Variants in CFAP46 observed in about 807,000 individuals in gnomAD.
CFAP46 encodes the protein cilia and flagella associated protein 46.
A neutral mutation model predicts 325.7 loss-of-function variants in CFAP46; 245 were observed. The observed-to-expected ratio is 0.75, with a 90% CI of 0.68 to 0.84. The LOEUF (loss-of-function observed/expected upper bound fraction) is 0.84. Among genes scored for constraint, CFAP46 ranks in the 40% least tolerant of loss-of-function variants. CFAP46 has a pLI of 0.00. For synonymous variants in CFAP46, 1,523 were observed against 1,495.9 expected, an observed-to-expected ratio of 1.02 and a Z score of -0.42; for missense variants, 3,346 against 3,543.0, an observed-to-expected ratio of 0.94 and a Z score of 1.41.
At chr10:132,894,748 A>G (rs1344952727) in intron 24 of CFAP46, among the ~76,000 whole-genome samples, 2 of 152,156 alleles carry the variant, frequency 1.3e-5, no homozygotes, top group African/African-American at 4.8e-5. Context: ...CTCCAAACAC[A>G]CCCAGACTGA....
At chr10:132,855,499 T>A (rs1394437193) in intron 39 of CFAP46, among the ~76,000 whole-genome samples, 1 of 152,180 alleles carries the variant, frequency 6.6e-6, no homozygotes, top group African/African-American at 2.4e-5. Context: ...TAACTGAGGG[T>A]GTTCTGATTA....
At chr10:132,824,722 GA>G (rs1300760713) in intron 50 of CFAP46, among the ~76,000 whole-genome samples, 8 of 83,148 alleles carry the variant, frequency 9.6e-5, no homozygotes, top group East Asian at 2.7e-4. Context: ...TGTGTGTACT[GA>G]TGTGTGCTGT....
intron 32 of CFAP46, among the ~76,000 whole-genome samples, chr10:132,870,622 GC>G (rs1371437529): frequency 6.6e-6 from 1 of 152,194 alleles, no homozygotes; most frequent in African/African-American, 2.4e-5. Context: ...ATTCCTTCAG[GC>G]CGAAGTCTCA....
At position 132,866,127 on chromosome 10, in the gene CFAP46, C is replaced by T. The variant is rs573686214; in HGVS notation, c.4788G>A (p.Thr1596=). Residue 1596 remains threonine, a synonymous_variant, in exon 35 of 58, where the codon ACG becomes ACA. Coordinates refer to ENST00000368586, the MANE Select transcript of CFAP46 (RefSeq NM_001200049.3). ...TCAGCATCCACAGGTGGGGAAAGGA[C>T]GTCCCATCCAGGTCCCTCCCGGTCT... ...NGETGRDLDG[T]SFPHLWMLKA... 23 of 1,543,796 alleles carry T rather than the reference C, an allele frequency of 1.5e-5. No homozygotes were observed. The highest frequency in any genetic ancestry group is 2.5e-5 in the East Asian group (1 of 40,280).
Position 132,846,912 on chromosome 10 carries a change from T to G in CFAP46, c.6267+20A>C. 6.3e-7 allele frequency: 1 copy of G among 1,593,002 alleles called. No homozygotes were observed. Among genetic ancestry groups the G allele is most frequent in the Non-Finnish European group, 8.6e-7 (1 of 1,169,476 alleles). On this transcript the variant is annotated intron_variant, in intron 43 of 57. Transcript: ENST00000368586. The stretch of plus-strand genomic sequence containing the variant: ...CCTCCATGAAGGGCCTGGCTGGAGG[T>G]GGGCAGGGCAGAGACACACCTGAGA...
chr10:132,904,957 T>C (rs1005831498), intron 22 of CFAP46, among the ~76,000 whole-genome samples: 4 of 152,116 alleles, frequency 2.6e-5, no homozygotes, highest in Non-Finnish European at 1.5e-5. Context: ...AATCCCCACC[T>C]ATCACCTTGG....
chr10:132,836,194 G>A lies in CFAP46; in HGVS notation c.6561C>T (p.Tyr2187=), dbSNP rs370304237. ...GDRSRLYGAA[Y]EKPKFITAAK... The stretch of plus-strand genomic sequence containing the variant: ...CTGCAGTAATGAACTTGGGTTTCTC[G>A]TAGGCAGCGCCGTACAGACGGGACC... The change falls in exon 46 of 58, where the codon TAC becomes TAT. Residue 2187 remains tyrosine (Y), a synonymous_variant. Coordinates refer to ENST00000368586, the MANE Select transcript of CFAP46 (RefSeq NM_001200049.3). The A allele has an allele frequency of 5.1e-5, 82 of 1,610,644 alleles. No homozygotes were observed. Among genetic ancestry groups the A allele is most frequent in the Non-Finnish European group, 5.9e-5 (70 of 1,179,502 alleles).
chr10:132,858,958 C>A, intron 38 of CFAP46, 113 bp downstream of exon 38: 2 of 1,131,570 alleles, frequency 1.8e-6, no homozygotes, highest in Middle Eastern at 2.2e-4. Flanking sequence ...GTCCTGTGGA[C>A]CCCGCGGGGG....
At chr10:132,831,486 G>T (rs759479046) in intron 50 of CFAP46, among the ~76,000 whole-genome samples, 1 of 152,040 alleles carries the variant, frequency 6.6e-6, no homozygotes, top group Non-Finnish European at 1.5e-5. Context: ...TCCTCTTTAC[G>T]GAATGGCCCA....
chr10:132,937,146 T>A, intron 6 of CFAP46, 91 bp from the exon 7 acceptor site: 1 of 727,726 alleles, frequency 1.4e-6, no homozygotes, highest in Non-Finnish European at 2.0e-6. Flanking sequence ...TCTCATTAAT[T>A]TTGTATCTAG....
At chr10:132,861,113 A>G (rs769420093) in intron 35 of CFAP46, 131 bp from the exon 36 acceptor site, 12 of 908,760 alleles carry the variant, frequency 1.3e-5, no homozygotes, top group Non-Finnish European at 1.8e-5. Flanking sequence ...GGTGAGGGGA[A>G]GACAGGGCTG....
chr10:132,850,353 C>T lies in CFAP46; in HGVS notation c.5843G>A (p.Cys1948Tyr), dbSNP rs185212348. The change falls in exon 41 of 58, where the codon TGT becomes TAT. Residue 1948 changes from cysteine (C) to tyrosine (Y), a missense_variant. Physicochemically the swap from Cys to Tyr is radical, Grantham distance 194. Transcript: ENST00000368586. Reference sequence around the variant, plus strand: ...CAGGAGCCGGGCGCGGATCTCCACACAGCCCACGCTCAGCGGCTGCAGGCT... The same window carrying T: ...CAGGAGCCGGGCGCGGATCTCCACATAGCCCACGCTCAGCGGCTGCAGGCT... The part of the protein sequence containing the change: ...LGSLQPLSVG[C>Y]VEIRARLLGL... The T allele has an allele frequency of 5.8e-6, 9 of 1,562,452 alleles. No individual in the cohort carries two copies. The Admixed American group carries it at 1.7e-4, about 29-fold the overall frequency.
At position 132,885,915 on chromosome 10, in the gene CFAP46, G is replaced by A; in HGVS notation, c.3349C>T (p.Leu1117Phe). 1.3e-6 allele frequency: 2 copies of A among 1,550,316 alleles called. No homozygotes were observed. Among genetic ancestry groups the A allele is most frequent in the East Asian group, 2.4e-5 (1 of 40,910 alleles). Reference protein sequence around the residue: ...LALRAALYGLLFHSHADQDDW... With the variant: ...LALRAALYGLFFHSHADQDDW... ...TCCTGGTCGGCATGGCTGTGGAAGA[G>A]CAGGCCGTAGAGCGCAGCACGGAGC... Residue 1117 changes from leucine (L) to phenylalanine (F), a missense_variant, in exon 26 of 58, where the codon CTC becomes TTC. Transcript: ENST00000368586.
chr10:132,814,655 T>A, intron 52 of CFAP46, 31 bp downstream of exon 52: 1 of 1,584,106 alleles, frequency 6.3e-7, no homozygotes, highest in Non-Finnish European at 8.6e-7. Context: ...GGGCGGGGTC[T>A]GGGGCCCCCC....
intron 50 of CFAP46, among the ~76,000 whole-genome samples, chr10:132,818,460 G>C (rs1847735674): frequency 6.6e-6 from 1 of 152,118 alleles, no homozygotes; most frequent in African/African-American, 2.4e-5. Context: ...ACAGTGAAAA[G>C]CACAAAGCTT....
chr10:132,853,171 C>T lies in CFAP46; in HGVS notation c.5575-1866G>A, dbSNP rs553942383. On this transcript the variant is annotated intron_variant, in intron 39 of 57. Coordinates refer to ENST00000368586, the MANE Select transcript of CFAP46 (RefSeq NM_001200049.3). ...ATCAGTCTTTCTCCCACAATTGTGA[C>T]GTTAGCTCTAGCTTTTTCATAGATG... Among the ~76,000 whole-genome samples, 9 of 152,282 alleles carry T rather than the reference C, an allele frequency of 5.9e-5. 1 individual carries two copies. Among genetic ancestry groups the T allele is most frequent in the East Asian group, 3.9e-4 (2 of 5,186 alleles).
At position 132,850,433 on chromosome 10, in the gene CFAP46, C is replaced by T. The variant is rs1212121466; in HGVS notation, c.5764-1G>A. The T allele has an allele frequency of 1.3e-6, 2 of 1,557,204 alleles. No individual in the cohort carries two copies. Among genetic ancestry groups the T allele is most frequent in the African/African-American group, 1.4e-5 (1 of 73,772 alleles). On this transcript the variant is annotated splice_acceptor_variant, in intron 40 of 57. Transcript: ENST00000368586. LOFTEE classifies it high-confidence loss of function. ...GAGTCCGCTTCAGCGTGAACCATTG[C>T]TTCGAAAAGACAGACATGTTACAGC...
In CFAP46 at chr10:132,879,577, T is replaced by TCCTCGG; in HGVS notation, c.3848_3853dup (p.Ala1283_Glu1284dup). The TCCTCGG allele has an allele frequency of 6.5e-7, 1 of 1,546,634 alleles. No homozygotes were observed. Among genetic ancestry groups the TCCTCGG allele is most frequent in the African/African-American group, 1.4e-5 (1 of 73,030 alleles). On this transcript the variant is annotated inframe_insertion, in exon 29 of 58. Transcript: ENST00000368586. ...ACGCAGCTGCTCCAAGGACACCGCC[T>TCCTCGG]CCTCGGCCTCGGACACGGGGCTCCG...
chr10:132,937,044 T>C lies in CFAP46; in HGVS notation c.672A>G (p.Glu224=), dbSNP rs776891881. Residue 224 remains glutamate (E), a synonymous_variant, in exon 7 of 58, where the codon GAA becomes GAG. Transcript: ENST00000368586. ...CCTTTAACTGAAGTTCGTCCATTAA[T>C]TCATGACGAACCTGTCATAAAATGG... is the stretch of plus-strand genomic sequence containing the variant. ...RQIFSVMVRH[E]LMDELQLKEE... is the part of the protein sequence containing the mutation. 2 of 1,516,842 alleles carry C rather than the reference T, an allele frequency of 1.3e-6. No individual in the cohort carries two copies. Among genetic ancestry groups the C allele is most frequent in the East Asian group, 4.7e-5 (2 of 42,962 alleles). 94.0% of individuals were successfully genotyped at this position (1,516,842 alleles called of 1,614,324 possible). A position where few individuals can be genotyped will look rare whatever the true frequency, so the allele number is the denominator to read the frequency against.
Sources: allele counts gnomAD v4.1 joint callset (sites outside exome capture counted in the v4.1 genomes callset), GRCh38; gene constraint gnomAD v4.1.1; transcripts MANE v1.5; gene names NCBI Gene and HGNC (gene_info 2026-07-23, HGNC 2026-07-21).